BACH2: variants seen among roughly 807,000 people sequenced by gnomAD.
BACH2 encodes the protein transcription regulator protein BACH2.
Under a neutral mutation model 61.8 loss-of-function variants are expected in BACH2, and 5 were observed. The ratio of observed to expected loss-of-function variants is 0.08; its 90% CI spans 0.04 to 0.17. The LOEUF (loss-of-function observed/expected upper bound fraction) is 0.17. Ranked by LOEUF, BACH2 falls within the 10% of genes least tolerant of loss-of-function variation. BACH2 has a pLI of 1.00. For synonymous variants in BACH2, 446 were observed against 440.1 expected (o/e 1.01, Z -0.17); for missense variants, 824 against 1,091.1 (o/e 0.76, Z 3.45).
At chr6:90,155,361 C>A (rs1168206789) in intron 4 of BACH2, among the ~76,000 whole-genome samples, 1 of 152,128 alleles carries the variant, frequency 6.6e-6, no homozygotes, top group Non-Finnish European at 1.5e-5. Context: ...TAGGTGTCAG[C>A]GATATGTTCC....
intron 4 of BACH2, among the ~76,000 whole-genome samples, chr6:90,179,429 G>A (rs1582454717): frequency 6.6e-6 from 1 of 152,214 alleles, no homozygotes; most frequent in East Asian, 1.9e-4. Flanking sequence ...CATAACCAAA[G>A]GTACCTTTCT....
At chr6:89,938,006 T>G in intron 8 of BACH2, 138 bp downstream of exon 8, 44 of 772,050 alleles carry the variant, frequency 5.7e-5, no homozygotes, top group Admixed American at 7.6e-5. Flanking sequence ...TTATTTCTGT[T>G]GAGAAACTTC....
In BACH2 at chr6:89,938,134, G is replaced by T. The variant is rs766294485; in HGVS notation, c.2043+10C>A. The T allele has an allele frequency of 5.6e-6, 9 of 1,611,388 alleles. No homozygotes were observed. The highest frequency in any genetic ancestry group is 7.6e-6 in the Non-Finnish European group (9 of 1,177,622). ...TCAGGTTGCTGATCACAATGGATGG[G>T]TCAACTCACCAATTTGCGGATTTCA... On this transcript the variant is annotated intron_variant, in intron 8 of 8. Transcript: ENST00000257749.
At chr6:90,203,391 CAAAAAAAA>C (rs34539345) in intron 4 of BACH2, among the ~76,000 whole-genome samples, 1 of 59,788 alleles carries the variant, frequency 1.7e-5, no homozygotes, top group African/African-American at 7.2e-5. Flanking sequence ...TCTCTCTCTC[CAAAAAAAA>C]AAAAAAAAAA....
intron 7 of BACH2, among the ~76,000 whole-genome samples, chr6:89,942,296 T>C (rs968281631): frequency 6.6e-6 from 1 of 152,144 alleles, no homozygotes; most frequent in East Asian, 1.9e-4. Flanking sequence ...CCACTGACTG[T>C]TTGGTCCCGT....
intron 3 of BACH2, among the ~76,000 whole-genome samples, chr6:90,244,364 C>T (rs1263873481): frequency 6.6e-6 from 1 of 152,106 alleles, no homozygotes; most frequent in Non-Finnish European, 1.5e-5. Context: ...TCAAAATAAC[C>T]CCTTGAGGTA....
chr6:90,059,298 T>A (rs947230052), intron 5 of BACH2, among the ~76,000 whole-genome samples: 1 of 152,084 alleles, frequency 6.6e-6, no homozygotes, highest in African/African-American at 2.4e-5. Flanking sequence ...AACAACCCCA[T>A]CAACAAGTGG....
At chr6:90,137,784 C>G (rs1400611004) in intron 4 of BACH2, among the ~76,000 whole-genome samples, 1 of 152,074 alleles carries the variant, frequency 6.6e-6, no homozygotes, top group Non-Finnish European at 1.5e-5. Context: ...ATGATTTATT[C>G]CAAGACAATT....
intron 4 of BACH2, among the ~76,000 whole-genome samples, chr6:90,126,469 T>A (rs1783855093): frequency 6.6e-6 from 1 of 152,100 alleles, no homozygotes; most frequent in South Asian, 2.1e-4. Context: ...AATATTTAGT[T>A]ACGGGATGAA....
At chr6:90,248,792 C>T (rs1047745251) in intron 3 of BACH2, among the ~76,000 whole-genome samples, 2 of 152,122 alleles carry the variant, frequency 1.3e-5, no homozygotes, top group Non-Finnish European at 2.9e-5. Context: ...GGGGAGGAGG[C>T]TGGATTCTTA....
intron 4 of BACH2, among the ~76,000 whole-genome samples, chr6:90,153,380 C>A (rs1319888264): frequency 1.3e-5 from 2 of 152,040 alleles, no homozygotes; most frequent in African/African-American, 4.8e-5. Context: ...AAATACTACT[C>A]CTCAAAATAA....
chr6:89,947,074 G>A (rs1022277426), intron 7 of BACH2, among the ~76,000 whole-genome samples: 2 of 152,132 alleles, frequency 1.3e-5, no homozygotes, highest in Non-Finnish European at 2.9e-5. Context: ...GAAAACACAC[G>A]CGAAGTATTA....
At chr6:90,211,126 CAAAAA>C (rs3072672) in intron 3 of BACH2, among the ~76,000 whole-genome samples, 2 of 45,360 alleles carry the variant, frequency 4.4e-5, no homozygotes, top group East Asian at 9.2e-4. Context: ...GACTCCATCT[CAAAAA>C]AAAAAAAAAA....
intron 6 of BACH2, chr6:90,001,463 G>A (rs1055565721): frequency 6.6e-6 from 1 of 152,228 alleles, no homozygotes; most frequent in Non-Finnish European, 1.5e-5. Context: ...TCAACCTGGC[G>A]ATGTTGGGGT....
At chr6:90,071,696 G>A (rs746063607) in intron 5 of BACH2, among the ~76,000 whole-genome samples, 39 of 152,168 alleles carry the variant, frequency 2.6e-4, no homozygotes, top group Non-Finnish European at 4.4e-4. Context: ...GATCCCCGAC[G>A]CAGTCGAAAA....
At chr6:90,243,317 G>A (rs190034371) in intron 3 of BACH2, among the ~76,000 whole-genome samples, 1 of 151,972 alleles carries the variant, frequency 6.6e-6, no homozygotes, top group African/African-American at 2.4e-5. Flanking sequence ...TATGATCTTT[G>A]TGATGCCAAT....
chr6:90,220,909 T>C (rs968215405), intron 3 of BACH2, among the ~76,000 whole-genome samples: 3 of 152,346 alleles, frequency 2.0e-5, no homozygotes, highest in African/African-American at 7.2e-5. Context: ...GTGCTTTTCA[T>C]AAATACTGGT....
intron 8 of BACH2, among the ~76,000 whole-genome samples, chr6:89,936,105 C>T (rs1192181529): frequency 6.6e-6 from 1 of 152,238 alleles, no homozygotes; most frequent in Non-Finnish European, 1.5e-5. Context: ...GGGTCCAACA[C>T]TGGATATTCA....
intron 4 of BACH2, among the ~76,000 whole-genome samples, chr6:90,124,955 T>C (rs1216704443): frequency 2.0e-5 from 3 of 152,186 alleles, no homozygotes; most frequent in Non-Finnish European, 4.4e-5. Flanking sequence ...TATCTGATAC[T>C]TAAAAATGAC....
Sources: gnomAD v4.1 joint callset for allele counts (sites outside exome capture counted in the v4.1 genomes callset) on GRCh38, gnomAD v4.1.1 for gene constraint, MANE v1.5 for transcripts, NCBI Gene and HGNC (gene_info 2026-07-23, HGNC 2026-07-21) for gene names.